The following GPR39 variants were observed in gnomAD, a reference collection of about 807,000 sequenced individuals.
GPR39 encodes G protein-coupled receptor 39, also known as zinc sensing receptor.
Under a neutral mutation model 18.4 loss-of-function variants are expected in GPR39, and 23 were observed. That is an observed-to-expected ratio of 1.25 (90% CI 0.90 to 1.77). The LOEUF is 1.77. Ranked by LOEUF, GPR39 falls within the 40% of genes most tolerant of loss-of-function variation. GPR39 has a pLI of 0.00. For synonymous variants in GPR39, 280 were observed against 257.9 expected (o/e 1.09, Z -0.82); for missense variants, 647 against 602.4 (o/e 1.07, Z -0.78).
intron 1 of GPR39, among the ~76,000 whole-genome samples, chr2:132,447,340 C>A (rs897403034): frequency 6.6e-6 from 1 of 152,194 alleles, no homozygotes; most frequent in African/African-American, 2.4e-5. Context: ...GAAACCAAAT[C>A]TAAGTGGAAT....
chr2:132,455,853 G>T (rs1415894133), intron 1 of GPR39, among the ~76,000 whole-genome samples: 2 of 152,012 alleles, frequency 1.3e-5, no homozygotes, highest in Admixed American at 1.3e-4. Context: ...ACAGTTTGTT[G>T]TGATTTCTCT....
chr2:132,552,296 C>A (rs1230613407), intron 1 of GPR39, among the ~76,000 whole-genome samples: 2 of 152,012 alleles, frequency 1.3e-5, no homozygotes, highest in African/African-American at 4.8e-5. Context: ...GGGGGCGGAT[C>A]CCTCATGGCT....
At chr2:132,559,257 G>A (rs75586794) in intron 1 of GPR39, among the ~76,000 whole-genome samples, 1 of 152,204 alleles carries the variant, frequency 6.6e-6, no homozygotes, top group Non-Finnish European at 1.5e-5. Flanking sequence ...ATTTGAAAGA[G>A]TGAGATATGG....
chr2:132,492,475 T>C (rs527719493), intron 1 of GPR39, among the ~76,000 whole-genome samples: 78 of 142,776 alleles, frequency 5.5e-4, no homozygotes, highest in African/African-American at 1.9e-3. Context: ...ACCATATATA[T>C]ACACCATATA....
chr2:132,582,987 C>T (rs1680655432), intron 1 of GPR39, among the ~76,000 whole-genome samples: 1 of 146,564 alleles, frequency 6.8e-6, no homozygotes, highest in Admixed American at 6.9e-5. Context: ...ACTATCACAG[C>T]TCATTGCAGC....
At chr2:132,608,832 T>C (rs1200117096) in intron 1 of GPR39, among the ~76,000 whole-genome samples, 2 of 152,182 alleles carry the variant, frequency 1.3e-5, no homozygotes, top group Non-Finnish European at 2.9e-5. Context: ...GCAGAATCAA[T>C]GAGCACTTGA....
Position 132,617,481 on chromosome 2 carries a change from G to T in GPR39, c.857-27620G>T, listed in dbSNP as rs550850766. On this transcript the variant is annotated intron_variant, in intron 1 of 1. Transcript: ENST00000329321. ...AAAGATGAGATTTAATTGCTGTCTT[G>T]ATTTACATTTCTTTCATATATTAAT... Among the ~76,000 whole-genome samples, 29 of 152,112 alleles carry T rather than the reference G, an allele frequency of 1.9e-4. No homozygotes were observed. In the South Asian group the frequency reaches 2.7e-3, roughly 14 times the overall value.
chr2:132,645,287 CGCAGCAGTTTCGGCGGGTGTTCGT>C lies in GPR39; in HGVS notation c.1048_1071del (p.Gln350_Gln357del). 1 of 1,614,220 alleles carries C rather than the reference CGCAGCAGTTTCGGCGGGTGTTCGT, an allele frequency of 6.2e-7. No individual in the cohort carries two copies. Among genetic ancestry groups the C allele is most frequent in the Non-Finnish European group, 8.5e-7 (1 of 1,180,030 alleles). On this transcript the variant is annotated inframe_deletion, in exon 2 of 2. Transcript: ENST00000329321. The stretch of plus-strand genomic sequence containing the variant: ...AACCCGCTCCTGTACACGGTGTCCT[CGCAGCAGTTTCGGCGGGTGTTCGT>C]GCAGGTGCTGTGCTGCCGCCTGTCG...
At chr2:132,575,359 C>A (rs1433247474) in intron 1 of GPR39, among the ~76,000 whole-genome samples, 2 of 152,204 alleles carry the variant, frequency 1.3e-5, no homozygotes, top group African/African-American at 4.8e-5. Context: ...AAGGTAAATT[C>A]ATCTGCAATT....
chr2:132,471,796 A>C (rs1306483652), intron 1 of GPR39, among the ~76,000 whole-genome samples: 1 of 152,148 alleles, frequency 6.6e-6, no homozygotes, highest in African/African-American at 2.4e-5. Flanking sequence ...CCTTTGCAAT[A>C]AAATGGGTCG....
At chr2:132,572,196 A>G (rs1049956571) in intron 1 of GPR39, among the ~76,000 whole-genome samples, 9 of 152,042 alleles carry the variant, frequency 5.9e-5, no homozygotes, top group Admixed American at 2.6e-4. Flanking sequence ...TGACCTTCTA[A>G]TATCTTCCAC....
chr2:132,484,835 A>G (rs1681300379), intron 1 of GPR39, among the ~76,000 whole-genome samples: 1 of 152,270 alleles, frequency 6.6e-6, no homozygotes, highest in African/African-American at 2.4e-5. Context: ...AACCTCAGAT[A>G]GAAAATCGAG....
Position 132,487,584 on chromosome 2 carries a change from G to A in GPR39, c.856+69686G>A, listed in dbSNP as rs1327214590. 3.9e-5 allele frequency among the ~76,000 whole-genome samples: 6 copies of A among 152,210 alleles called. No homozygotes were observed. The East Asian group carries it at 9.7e-4, about 24-fold the overall frequency. The stretch of plus-strand genomic sequence containing the variant: ...GGAATATGATGCTTTAAATGATTAA[G>A]CAGAGTTGACAAAGAACCAAGTTAA... On this transcript the variant is annotated intron_variant, in intron 1 of 1. Coordinates refer to ENST00000329321, the MANE Select transcript of GPR39 (RefSeq NM_001508.3).
intron 1 of GPR39, among the ~76,000 whole-genome samples, chr2:132,491,143 C>T (rs1014703560): frequency 3.9e-5 from 6 of 152,150 alleles, no homozygotes; most frequent in Non-Finnish European, 8.8e-5. Flanking sequence ...CAGTTTGAAC[C>T]AGAACCAAGC....
intron 1 of GPR39, among the ~76,000 whole-genome samples, chr2:132,480,358 AAC>A (rs1007517383): frequency 3.3e-5 from 5 of 152,204 alleles, no homozygotes; most frequent in African/African-American, 1.2e-4. Context: ...GAATGTACAT[AAC>A]ACTACTGAAT....
intron 1 of GPR39, among the ~76,000 whole-genome samples, chr2:132,521,629 G>A (rs960084497): frequency 3.9e-5 from 6 of 152,164 alleles, no homozygotes. Context: ...GGTATCTCTG[G>A]TATTTGGCAT....
At chr2:132,474,640 C>T (rs944083614) in intron 1 of GPR39, among the ~76,000 whole-genome samples, 1 of 152,202 alleles carries the variant, frequency 6.6e-6, no homozygotes, top group South Asian at 2.1e-4. Flanking sequence ...ATCTATCTTG[C>T]CCCTTGAAAC....
At chr2:132,506,948 AG>A (rs1454049106) in intron 1 of GPR39, among the ~76,000 whole-genome samples, 1 of 152,018 alleles carries the variant, frequency 6.6e-6, no homozygotes, top group African/African-American at 2.4e-5. Flanking sequence ...TGATAGTTTC[AG>A]GTCTTGCATT....
intron 1 of GPR39, among the ~76,000 whole-genome samples, chr2:132,477,458 C>T (rs541903114): frequency 2.2e-4 from 34 of 152,158 alleles, no homozygotes; most frequent in South Asian, 2.1e-4. Flanking sequence ...CCCAGCTACT[C>T]GGGAGGCTGA....
Sources: allele counts gnomAD v4.1 joint callset (sites outside exome capture counted in the v4.1 genomes callset), GRCh38; gene constraint gnomAD v4.1.1; transcripts MANE v1.5; gene names NCBI Gene and HGNC (gene_info 2026-07-23, HGNC 2026-07-21).